The following NR3C1 variants were observed in gnomAD, a reference collection of about 807,000 sequenced individuals.
NR3C1 encodes nuclear receptor subfamily 3 group C member 1.
In NR3C1, 14 loss-of-function variants were observed where a neutral mutation model predicts 74.0. The observed-to-expected ratio is 0.19, with a 90% CI of 0.12 to 0.30. NR3C1 has a LOEUF of 0.30. NR3C1 is among the 10% of genes least tolerant of loss of function. NR3C1 has a pLI of 1.00. For synonymous variants in NR3C1, 308 were observed against 332.5 expected, an observed-to-expected ratio of 0.93 and a Z score of 0.80; for missense variants, 695 against 909.8, an observed-to-expected ratio of 0.76 and a Z score of 3.04.
chr5:143,327,984 T>A (rs1825015363), intron 2 of NR3C1, among the ~76,000 whole-genome samples: 1 of 152,214 alleles, frequency 6.6e-6, no homozygotes, highest in Non-Finnish European at 1.5e-5. Flanking sequence ...GTATGAGGGA[T>A]CCAACCCCAT....
At chr5:143,380,143 T>C (rs1835921460) in intron 2 of NR3C1, among the ~76,000 whole-genome samples, 1 of 152,174 alleles carries the variant, frequency 6.6e-6, no homozygotes, top group Non-Finnish European at 1.5e-5. Context: ...AGATTGCTTA[T>C]AAAGCTTATA....
chr5:143,347,351 C>T lies in NR3C1; in HGVS notation c.1185-33183G>A, dbSNP rs112640342. ...AAACACACACAGACACACACACACA[C>T]GAATAAAAAGAAAAACTTGCACTTG... On this transcript the variant is annotated intron_variant, in intron 2 of 8. Transcript: ENST00000394464. Among the ~76,000 whole-genome samples the T allele has an allele frequency of 5.3e-3, 810 of 152,178 alleles. 6 individuals are homozygous for T. Among genetic ancestry groups the T allele is most frequent in the African/African-American group, 0.018 (744 of 41,538 alleles).
intron 2 of NR3C1, among the ~76,000 whole-genome samples, chr5:143,362,085 A>G (rs1472806044): frequency 6.6e-6 from 1 of 152,204 alleles, no homozygotes; most frequent in African/African-American, 2.4e-5. Context: ...CATATCCATA[A>G]AAGCAAATAA....
At chr5:143,346,729 AAACTT>A (rs1829364663) in intron 2 of NR3C1, among the ~76,000 whole-genome samples, 1 of 152,234 alleles carries the variant, frequency 6.6e-6, no homozygotes. Context: ...TAAACTTCAA[AAACTT>A]AACACAACTA....
intron 8 of NR3C1, 54 bp from the exon 9 acceptor site, chr5:143,282,095 T>G: frequency 6.3e-7 from 1 of 1,597,690 alleles, no homozygotes; most frequent in Non-Finnish European, 8.6e-7. Flanking sequence ...AGTGGGAACA[T>G]CTCATGTTTG....
chr5:143,278,409 A>G lies in NR3C1; in HGVS notation c.*3480T>C, dbSNP rs543600868. ...TCATACAGCCTTTCATCAGAAAATA[A>G]AATCCTTTCAGACATTTTCTAGAGA... is the stretch of plus-strand genomic sequence containing the variant. On this transcript the variant is annotated 3_prime_UTR_variant, in exon 9 of 9. Transcript: ENST00000394464. 1.3e-5 allele frequency: 2 copies of G among 152,326 alleles called. No homozygotes were observed. The highest frequency in any genetic ancestry group is 2.4e-5 in the African/African-American group (1 of 41,576). 9.4% of individuals were successfully genotyped at this position (152,326 alleles called of 1,614,324 possible). A position where few individuals can be genotyped will look rare whatever the true frequency, so the allele number is the denominator to read the frequency against.
At chr5:143,294,291 T>C (rs1816632235) in intron 7 of NR3C1, 2 of 962,274 alleles carry the variant, frequency 2.1e-6, no homozygotes, top group South Asian at 4.8e-5. Context: ...CTTATTTGTA[T>C]ATGAAAGAGG....
chr5:143,299,560 CAAT>C (rs1294369593), intron 5 of NR3C1, among the ~76,000 whole-genome samples: 3 of 152,010 alleles, frequency 2.0e-5, no homozygotes, highest in African/African-American at 4.8e-5. Flanking sequence ...CTATAGTTAA[CAAT>C]AATTTACTTT....
chr5:143,377,850 A>T (rs949620577), intron 2 of NR3C1, among the ~76,000 whole-genome samples: 3 of 152,228 alleles, frequency 2.0e-5, no homozygotes, highest in African/African-American at 7.2e-5. Flanking sequence ...AAATGTATTG[A>T]TATGAAATTA....
intron 2 of NR3C1, among the ~76,000 whole-genome samples, chr5:143,383,843 T>C (rs934166859): frequency 6.6e-6 from 1 of 152,220 alleles, no homozygotes; most frequent in African/African-American, 2.4e-5. Context: ...TGACTTGCCA[T>C]AATCCTCGAA....
rs1382089131 is a variant in NR3C1 at position 143,291,313 on chromosome 5, C to T, written c.2023+4147G>A. 2.6e-5 allele frequency among the ~76,000 whole-genome samples: 4 copies of T among 152,086 alleles called. No individual in the cohort carries two copies. In the South Asian group the frequency reaches 6.2e-4, roughly 24 times the overall value. On this transcript the variant is annotated intron_variant, in intron 7 of 8. Transcript: ENST00000394464. Reference sequence around the variant, plus strand: ...CTATCTTGGCTCTCTGCAACCTCTACGTCCCAGGTTCAAGTGATTCTCCTG... The same window carrying T: ...CTATCTTGGCTCTCTGCAACCTCTATGTCCCAGGTTCAAGTGATTCTCCTG...
chr5:143,283,701 G>A (rs1275372830), intron 7 of NR3C1, among the ~76,000 whole-genome samples: 4 of 152,100 alleles, frequency 2.6e-5, no homozygotes, highest in African/African-American at 7.2e-5. Flanking sequence ...GTTTTGGGGG[G>A]ATACATTACT....
intron 2 of NR3C1, among the ~76,000 whole-genome samples, chr5:143,314,840 C>T (rs1028957935): frequency 3.9e-5 from 6 of 152,152 alleles, no homozygotes; most frequent in African/African-American, 1.4e-4. Context: ...TTTTCTATAA[C>T]CTTCCTGTCT....
At chr5:143,411,910 A>G (rs930105334) in intron 1 of NR3C1, among the ~76,000 whole-genome samples, 2 of 152,000 alleles carry the variant, frequency 1.3e-5, no homozygotes. Context: ...GGCCCAAGGA[A>G]AGATGACGAA....
intron 2 of NR3C1, among the ~76,000 whole-genome samples, chr5:143,314,799 A>G (rs1821735544): frequency 6.6e-6 from 1 of 152,190 alleles, no homozygotes; most frequent in Admixed American, 6.5e-5. Context: ...CCACAATTTC[A>G]TATGACTCAG....
At position 143,300,366 on chromosome 5, in the gene NR3C1, C is replaced by T; in HGVS notation, c.1747+119G>A. 1.6e-6 allele frequency: 2 copies of T among 1,231,164 alleles called. No homozygotes were observed. Among genetic ancestry groups the T allele is most frequent in the Admixed American group, 1.7e-5 (1 of 59,090 alleles). The allele number at this position is 1,231,164 out of a possible 1,614,324, so 76.3% of individuals were successfully genotyped here. On this transcript the variant is annotated intron_variant, in intron 5 of 8. Coordinates refer to ENST00000394464, the MANE Select transcript of NR3C1 (RefSeq NM_000176.3). The surrounding 1 kb of genome is among the most constrained non-coding windows in gnomAD (Gnocchi z 5.2). ...TTCACCTGACTCTCCCCTTCATAGT[C>T]CCCAGAACTAAGAGAAACAAGATAA...
intron 2 of NR3C1, among the ~76,000 whole-genome samples, chr5:143,375,461 C>G (rs1255867204): frequency 6.6e-6 from 1 of 152,010 alleles, no homozygotes; most frequent in East Asian, 1.9e-4. Flanking sequence ...TATGGTATAC[C>G]CATATGGCTA....
upstream of NR3C1, chr5:143,404,143 A>C: frequency 2.0e-6 from 2 of 985,326 alleles, no homozygotes; most frequent in Non-Finnish European, 2.4e-6. Context: ...CCTGCGGGTG[A>C]CAGCGGGCGG....
chr5:143,346,998 A>C (rs1407572189), intron 2 of NR3C1, among the ~76,000 whole-genome samples: 1 of 152,244 alleles, frequency 6.6e-6, no homozygotes, highest in South Asian at 2.1e-4. Context: ...GCTTTAGTAC[A>C]CAGCACTGTA....
Sources: allele counts gnomAD v4.1 joint callset (sites outside exome capture counted in the v4.1 genomes callset), GRCh38; gene constraint gnomAD v4.1.1; non-coding constraint Gnocchi (gnomAD v3.1); transcripts MANE v1.5; gene names NCBI Gene and HGNC (gene_info 2026-07-23, HGNC 2026-07-21).